The following PAK2 variants were observed in gnomAD, a reference collection of about 807,000 sequenced individuals.
The protein encoded by PAK2 is serine/threonine-protein kinase PAK 2.
Under a neutral mutation model 65.9 loss-of-function variants are expected in PAK2, and 21 were observed. That is an observed-to-expected ratio of 0.32 (90% CI 0.23 to 0.46). PAK2 has a LOEUF of 0.46. PAK2 is among the 20% of genes least tolerant of loss of function. The pLI, the probability that PAK2 is intolerant of heterozygous loss-of-function variation, is 1.00. For synonymous variants in PAK2, 204 were observed against 219.7 expected, an observed-to-expected ratio of 0.93 and a Z score of 0.63; for missense variants, 324 against 642.6, an observed-to-expected ratio of 0.50 and a Z score of 5.36.
rs1711532413 is a variant in PAK2 at position 196,818,259 on chromosome 3, T to C, written c.1153+103T>C. ...AATGCAAGGATTAATAATGATTTAA[T>C]ATAGGAAGAGGTGAGACCTTTGAAA... On this transcript the variant is annotated intron_variant, in intron 12 of 14. Coordinates refer to ENST00000327134, the MANE Select transcript of PAK2 (RefSeq NM_002577.4). The C allele has an allele frequency of 5.1e-6, 3 of 583,100 alleles. 1 individual carries two copies. In the South Asian group the frequency reaches 6.7e-5, roughly 13 times the overall value. The allele number at this position is 583,100 out of a possible 1,614,324, so 36.1% of individuals were successfully genotyped here. A position where few individuals can be genotyped will look rare whatever the true frequency, so the allele number is the denominator to read the frequency against.
intron 6 of PAK2, 66 bp from the exon 7 acceptor site, chr3:196,807,716 G>C (rs1715630774): frequency 2.2e-6 from 2 of 913,302 alleles, no homozygotes; most frequent in Admixed American, 4.5e-5. Context: ...AACTGAATTA[G>C]TTTGCCAGGA....
chr3:196,825,445 C>T (rs1323040851), intron 13 of PAK2, among the ~76,000 whole-genome samples: 1 of 151,860 alleles, frequency 6.6e-6, no homozygotes, highest in Non-Finnish European at 1.5e-5. Flanking sequence ...AGTTTAAGAC[C>T]AGCCTGGCCA....
chr3:196,761,190 G>C (rs1174445835), intron 1 of PAK2, among the ~76,000 whole-genome samples: 7 of 127,842 alleles, frequency 5.5e-5, no homozygotes, highest in Non-Finnish European at 1.2e-4. Context: ...ATAATTCTTG[G>C]GTGTTTCTCA....
intron 1 of PAK2, among the ~76,000 whole-genome samples, chr3:196,759,505 T>TTG: frequency 6.1e-5 from 1 of 16,522 alleles, no homozygotes; most frequent in Admixed American, 7.0e-4. Flanking sequence ...TTTGTTTTTT[T>TTG]TTTTTTTTTT....
At chr3:196,759,498 G>GTT (rs71301221) in intron 1 of PAK2, among the ~76,000 whole-genome samples, 7 of 108,158 alleles carry the variant, frequency 6.5e-5, no homozygotes, top group African/African-American at 1.8e-4. Flanking sequence ...GGTTTTTTTT[G>GTT]TTTTTTTTTT....
At chr3:196,766,745 C>G (rs1379931144) in intron 1 of PAK2, among the ~76,000 whole-genome samples, 1 of 131,142 alleles carries the variant, frequency 7.6e-6, no homozygotes, top group Non-Finnish European at 1.6e-5. Flanking sequence ...CAACCCCACC[C>G]CCGACCCATG....
chr3:196,773,449 C>T (rs916036261), intron 1 of PAK2, among the ~76,000 whole-genome samples: 1 of 152,076 alleles, frequency 6.6e-6, no homozygotes, highest in Admixed American at 6.6e-5. Context: ...GCAATTCACA[C>T]ACAAAAAATA....
At chr3:196,753,456 AGTGCTGG>A (rs1402307222) in intron 1 of PAK2, among the ~76,000 whole-genome samples, 1 of 152,036 alleles carries the variant, frequency 6.6e-6, no homozygotes, top group Non-Finnish European at 1.5e-5. Flanking sequence ...AGCCTCCCTA[AGTGCTGG>A]GATTGCAGGT....
At chr3:196,773,143 C>T (rs977084292) in intron 1 of PAK2, among the ~76,000 whole-genome samples, 10 of 152,110 alleles carry the variant, frequency 6.6e-5, no homozygotes, top group African/African-American at 2.2e-4. Flanking sequence ...AACAGTGGGC[C>T]TCTTAGAAGA....
chr3:196,820,347 ACT>A lies in PAK2; in HGVS notation c.1154-21_1154-20del. On this transcript the variant is annotated intron_variant, in intron 12 of 14. Transcript: ENST00000327134. The surrounding 1 kb of genome is among the most constrained non-coding windows in gnomAD (Gnocchi z 4.6). ...CTAAAACCATCCATGGAAGCCATTA[ACT>A]CTGTTTTGTTTTGTTTTGTAGCTGA... 6.8e-7 allele frequency: 1 copy of A among 1,471,148 alleles called. No homozygotes were observed. Among genetic ancestry groups the A allele is most frequent in the South Asian group, 1.3e-5 (1 of 75,408 alleles). 91.1% of individuals were successfully genotyped at this position (1,471,148 alleles called of 1,614,324 possible). A position where few individuals can be genotyped will look rare whatever the true frequency, so the allele number is the denominator to read the frequency against.
At chr3:196,765,424 C>T (rs1380262756) in intron 1 of PAK2, among the ~76,000 whole-genome samples, 1 of 152,088 alleles carries the variant, frequency 6.6e-6, no homozygotes, top group African/African-American at 2.4e-5. Flanking sequence ...ACTGGGATTA[C>T]AGGTGCGAGC....
chr3:196,776,302 A>G (rs528106157), intron 1 of PAK2, among the ~76,000 whole-genome samples: 92 of 152,208 alleles, frequency 6.0e-4, no homozygotes, highest in Non-Finnish European at 1.3e-3. Flanking sequence ...AGTATTCTAT[A>G]TAGCAAAATG....
In PAK2 at chr3:196,808,101, C is replaced by T. The variant is rs1560111968; in HGVS notation, c.709+187C>T. The stretch of plus-strand genomic sequence containing the variant: ...CCAGGTTCACCCCTAAATCCCAGCA[C>T]TAGGTCAGGAGATCAAGACCAGCCT... On this transcript the variant is annotated intron_variant, in intron 7 of 14. Transcript: ENST00000327134. 1.4e-5 allele frequency: 7 copies of T among 496,152 alleles called. No homozygotes were observed. The East Asian group carries it at 2.3e-4, about 16-fold the overall frequency. The allele number at this position is 496,152 out of a possible 1,614,324, so 30.7% of individuals were successfully genotyped here.
chr3:196,815,154 TG>T (rs1220023612), intron 11 of PAK2, among the ~76,000 whole-genome samples: 1 of 151,264 alleles, frequency 6.6e-6, no homozygotes, highest in East Asian at 2.0e-4. Flanking sequence ...CACTCCAGCC[TG>T]GGCAACAGAG....
intron 1 of PAK2, among the ~76,000 whole-genome samples, chr3:196,771,947 T>G (rs777153796): frequency 6.6e-6 from 1 of 152,222 alleles, no homozygotes; most frequent in Non-Finnish European, 1.5e-5. Flanking sequence ...CTATGCTGCT[T>G]TTTACTTCAA....
At chr3:196,782,128 G>A (rs932665530) in intron 1 of PAK2, among the ~76,000 whole-genome samples, 2 of 151,834 alleles carry the variant, frequency 1.3e-5, no homozygotes, top group African/African-American at 4.8e-5. Flanking sequence ...GAATTTTTTA[G>A]GAAAGTTACT....
Position 196,820,348 on chromosome 3 carries a change from C to CTCTGT in PAK2, c.1154-21_1154-17dup. On this transcript the variant is annotated intron_variant, in intron 12 of 14. Transcript: ENST00000327134. The surrounding 1 kb of genome is among the most constrained non-coding windows in gnomAD (Gnocchi z 4.6). ...TAAAACCATCCATGGAAGCCATTAA[C>CTCTGT]TCTGTTTTGTTTTGTTTTGTAGCTG... 6.8e-7 allele frequency: 1 copy of CTCTGT among 1,472,508 alleles called. No homozygotes were observed. Among genetic ancestry groups the CTCTGT allele is most frequent in the Non-Finnish European group, 9.2e-7 (1 of 1,092,742 alleles). The allele number at this position is 1,472,508 out of a possible 1,614,324, so 91.2% of individuals were successfully genotyped here.
At chr3:196,765,942 C>A (rs994641997) in intron 1 of PAK2, among the ~76,000 whole-genome samples, 5 of 151,252 alleles carry the variant, frequency 3.3e-5, no homozygotes, top group South Asian at 4.2e-4. Flanking sequence ...CTCTGTTGCC[C>A]AGGCTGGAGT....
At chr3:196,811,231 T>TCCCTTCCC (rs1560113637) in intron 8 of PAK2, among the ~76,000 whole-genome samples, 3 of 2,864 alleles carry the variant, frequency 1.0e-3, no homozygotes, top group Admixed American at 6.8e-3. Context: ...CTCCCTTCCC[T>TCCCTTCCC]TCCCTTCCTT....
Sources: gnomAD v4.1 joint callset for allele counts (sites outside exome capture counted in the v4.1 genomes callset) on GRCh38, gnomAD v4.1.1 for gene constraint, Gnocchi (gnomAD v3.1) non-coding constraint, MANE v1.5 for transcripts, NCBI Gene and HGNC (gene_info 2026-07-23, HGNC 2026-07-21) for gene names.